Variants in DPP6 observed in about 807,000 individuals in gnomAD.
The protein encoded by DPP6 is A-type potassium channel modulatory protein DPP6.
Under a neutral mutation model 122.6 loss-of-function variants are expected in DPP6, and 69 were observed. The observed-to-expected ratio is 0.56, with a 90% confidence interval of 0.46 to 0.69. The LOEUF (loss-of-function observed/expected upper bound fraction) is 0.69, where lower values mean the gene tolerates loss of function less well. DPP6 is among the 30% of genes least tolerant of loss of function. The probability of loss-of-function intolerance (pLI) is 0.00; values close to 1 mark genes in which losing one functional copy is unlikely to be tolerated. For synonymous variants in DPP6, 418 were observed against 433.1 expected (o/e 0.97, Z 0.43); for missense variants, 928 against 1,116.9 (o/e 0.83, Z 2.41).
Position 153,986,040 on chromosome 7 carries a change from T to C in DPP6, c.51+98306T>C, listed in dbSNP as rs1245406271. Among the ~76,000 whole-genome samples, 3 of 152,182 alleles carry C rather than the reference T, an allele frequency of 2.0e-5. No individual in the cohort carries two copies. In the East Asian group the frequency reaches 5.8e-4, roughly 29 times the overall value. ...GAGAGAAAGGGAGAAAAAATGTCTT[T>C]GATAAGATCAGGTGCGTTCAGGGTC... On this transcript the variant is annotated intron_variant, in intron 1 of 25. Transcript: ENST00000404039.
intron 1 of DPP6, among the ~76,000 whole-genome samples, chr7:153,928,395 C>CTTTTTTTTTTTTTT (rs1467865041): frequency 1.6e-3 from 47 of 29,970 alleles, no homozygotes; most frequent in African/African-American, 2.4e-3. Context: ...TCTTTTCTTT[C>CTTTTTTTTTTTTTT]ATTTTTTTTT....
At chr7:153,871,085 T>A in the DPP6 span, among the ~76,000 whole-genome samples, 1 of 152,186 alleles carries the variant, frequency 6.6e-6, no homozygotes, top group African/African-American at 2.4e-5. Context: ...CCAGTTAGGC[T>A]ATTCGGGGGT....
At chr7:154,244,129 CA>C (rs146485111) in intron 1 of DPP6, among the ~76,000 whole-genome samples, 18,237 of 151,904 alleles carry the variant, frequency 0.12, 1,361 homozygotes, top group Non-Finnish European at 0.17. Flanking sequence ...AAATCTAACC[CA>C]AAGAGAAAAC....
intron 1 of DPP6, among the ~76,000 whole-genome samples, chr7:154,350,690 T>C (rs1810777196): frequency 6.6e-6 from 1 of 151,990 alleles, no homozygotes; most frequent in South Asian, 2.1e-4. Flanking sequence ...GACTATCAGG[T>C]TCAACTGCCC....
In DPP6 at chr7:154,744,519, C is replaced by T. The variant is rs534353933; in HGVS notation, c.883+16632C>T. On this transcript the variant is annotated intron_variant, in intron 8 of 25. Transcript: ENST00000377770. Reference sequence around the variant, plus strand: ...GATCTCTGATGATAATGAGGGGATTCGCAGTGTGTGATATGCAAATAACAC... The same window carrying T: ...GATCTCTGATGATAATGAGGGGATTTGCAGTGTGTGATATGCAAATAACAC... Among the ~76,000 whole-genome samples the T allele has an allele frequency of 8.5e-5, 13 of 152,304 alleles. No individual in the cohort carries two copies. The South Asian group carries it at 2.7e-3, about 32-fold the overall frequency.
chr7:154,421,883 G>A (rs1817500965), intron 1 of DPP6, among the ~76,000 whole-genome samples: 2 of 152,308 alleles, frequency 1.3e-5, no homozygotes, highest in Middle Eastern at 3.4e-3. Flanking sequence ...TAGGCACTCA[G>A]GAGACATTTA....
intron 1 of DPP6, among the ~76,000 whole-genome samples, chr7:154,200,535 A>G (rs1007864776): frequency 6.6e-6 from 1 of 152,236 alleles, no homozygotes; most frequent in South Asian, 2.1e-4. Context: ...TTGCTAACAC[A>G]AATGCTAAAG....
chr7:154,078,544 T>C lies in DPP6; in HGVS notation c.243+25481T>C, dbSNP rs529804550. On this transcript the variant is annotated intron_variant, in intron 1 of 25. Coordinates refer to ENST00000377770, the MANE Select transcript of DPP6 (RefSeq NM_130797.4). ...TTCCCAAGCTCATTTAGTGACAAAGTTGTGGGTTGGTTAGGCTTGTTAGAG... is the reference window on the plus strand; with the variant it reads ...TTCCCAAGCTCATTTAGTGACAAAGCTGTGGGTTGGTTAGGCTTGTTAGAG... Among the ~76,000 whole-genome samples the C allele has an allele frequency of 1.6e-4, 24 of 152,256 alleles. No homozygotes were observed. In the South Asian group the frequency reaches 5.0e-3, roughly 32 times the overall value.
chr7:154,336,911 A>G (rs1809477807), intron 1 of DPP6, among the ~76,000 whole-genome samples: 1 of 152,164 alleles, frequency 6.6e-6, no homozygotes, highest in African/African-American at 2.4e-5. Context: ...GGGTCTTTGT[A>G]GTTCCCTTGG....
chr7:154,105,822 C>T (rs1263103879), intron 1 of DPP6, among the ~76,000 whole-genome samples: 1 of 152,002 alleles, frequency 6.6e-6, no homozygotes, highest in South Asian at 2.1e-4. Context: ...AACTGTGAGT[C>T]CATTAAACCT....
At chr7:154,247,637 A>T (rs372379465) in intron 1 of DPP6, among the ~76,000 whole-genome samples, 84 of 152,204 alleles carry the variant, frequency 5.5e-4, no homozygotes, top group Middle Eastern at 3.4e-3. Context: ...ACAAACGCTC[A>T]TACATTCTTG....
chr7:153,955,046 G>A lies in DPP6; in HGVS notation c.51+67312G>A, dbSNP rs547404056. 1.6e-4 allele frequency among the ~76,000 whole-genome samples: 24 copies of A among 152,244 alleles called. No homozygotes were observed. In the South Asian group the frequency reaches 1.7e-3, roughly 11 times the overall value. ...GATATTTAAAAATTAAACTCTGTTC[G>A]GCTAGCCAGCCTTCTTCAGTCTTCA... is the stretch of plus-strand genomic sequence containing the variant. On this transcript the variant is annotated intron_variant, in intron 1 of 25. Transcript: ENST00000404039.
At chr7:154,052,074 G>C (rs1316979092), upstream of DPP6, among the ~76,000 whole-genome samples, 3 of 150,460 alleles carry the variant, frequency 2.0e-5, no homozygotes, top group African/African-American at 7.3e-5. This position sits in a 1 kb window ranked among gnomAD's most constrained non-coding sequence, Gnocchi z 4.8. Context: ...TGCCTGCCTC[G>C]ACCTCCGCAT....
intron 1 of DPP6, among the ~76,000 whole-genome samples, chr7:153,919,861 T>C (rs1438589526): frequency 1.3e-5 from 2 of 152,216 alleles, no homozygotes; most frequent in Non-Finnish European, 2.9e-5. Flanking sequence ...GTAATTGTAT[T>C]TATTACAAAT....
chr7:153,926,825 A>AAC (rs1563015418), intron 1 of DPP6, among the ~76,000 whole-genome samples: 69 of 151,814 alleles, frequency 4.5e-4, no homozygotes, highest in African/African-American at 1.6e-3. Context: ...AAAAAAAAAA[A>AAC]TACTACTTGT....
intron 16 of DPP6, among the ~76,000 whole-genome samples, chr7:154,817,879 G>A (rs1022500534): frequency 1.3e-5 from 2 of 151,134 alleles, no homozygotes; most frequent in Non-Finnish European, 2.9e-5. Flanking sequence ...TGTCATGAAT[G>A]TCCTGATTGA....
chr7:154,811,852 T>A (rs1022692475), intron 16 of DPP6, among the ~76,000 whole-genome samples: 1 of 152,154 alleles, frequency 6.6e-6, no homozygotes, highest in Non-Finnish European at 1.5e-5. Context: ...CTCCTAGCAT[T>A]AGAGACTCTT....
At chr7:154,605,142 T>C (rs1833547340) in intron 5 of DPP6, among the ~76,000 whole-genome samples, 2 of 119,658 alleles carry the variant, frequency 1.7e-5, no homozygotes, top group African/African-American at 5.3e-5. Context: ...CATATAGAGG[T>C]GATCGTATTG....
chr7:153,937,222 A>G (rs1801489391), intron 1 of DPP6, among the ~76,000 whole-genome samples: 1 of 152,166 alleles, frequency 6.6e-6, no homozygotes, highest in African/African-American at 2.4e-5. Flanking sequence ...GTGGGCCTCC[A>G]GCTTCCAGCC....
Sources: gnomAD v4.1 joint callset for allele counts (sites outside exome capture counted in the v4.1 genomes callset) on GRCh38, gnomAD v4.1.1 for gene constraint, Gnocchi (gnomAD v3.1) non-coding constraint, MANE v1.5 for transcripts, NCBI Gene and HGNC (gene_info 2026-07-23, HGNC 2026-07-21) for gene names.